The following ABHD12 variants were observed in gnomAD, a reference collection of about 807,000 sequenced individuals.
The protein encoded by ABHD12 is abhydrolase domain containing 12, lysophospholipase.
A neutral mutation model predicts 58.3 loss-of-function variants in ABHD12; 43 were observed. That is an observed-to-expected ratio of 0.74 (90% CI 0.58 to 0.95). ABHD12 has a LOEUF of 0.95. ABHD12 is among the 40% of genes least tolerant of loss of function. The pLI is 0.00. For synonymous variants in ABHD12, 219 were observed against 211.2 expected, an observed-to-expected ratio of 1.04 and a Z score of -0.32; for missense variants, 539 against 537.2, an observed-to-expected ratio of 1.00 and a Z score of -0.03.
Position 25,378,237 on chromosome 20 carries a change from G to T in ABHD12, c.191+12276C>A, listed in dbSNP as rs530805704. ...TCCCTGTATTTTCTCTTTGCCAAAG[G>T]CATCATCAAAGCCTGAGTATGCAAG... On this transcript the variant is annotated intron_variant, in intron 1 of 12. Coordinates refer to ENST00000339157, the MANE Select transcript of ABHD12 (RefSeq NM_001042472.3). 2.6e-5 allele frequency among the ~76,000 whole-genome samples: 4 copies of T among 152,302 alleles called. No individual in the cohort carries two copies. In the South Asian group the frequency reaches 8.3e-4, roughly 32 times the overall value.
At chr20:25,326,214 A>C (rs951279694) in intron 2 of ABHD12, among the ~76,000 whole-genome samples, 1 of 152,052 alleles carries the variant, frequency 6.6e-6, no homozygotes, top group Non-Finnish European at 1.5e-5. Context: ...GAAAGGAAAG[A>C]AAGGAAAGCA....
chr20:25,323,100 T>C (rs1463902698), intron 3 of ABHD12, among the ~76,000 whole-genome samples: 1 of 152,250 alleles, frequency 6.6e-6, no homozygotes, highest in Non-Finnish European at 1.5e-5. Flanking sequence ...AATAATCTGT[T>C]CACAAAGCCT....
intron 1 of ABHD12, among the ~76,000 whole-genome samples, chr20:25,384,389 A>G (rs1264549999): frequency 6.6e-6 from 1 of 151,296 alleles, no homozygotes; most frequent in Non-Finnish European, 1.5e-5. Context: ...AATGTTAAAA[A>G]AGTTGGCAAT....
intron 1 of ABHD12, among the ~76,000 whole-genome samples, chr20:25,373,704 T>C (rs2089926760): frequency 6.6e-6 from 1 of 152,096 alleles, no homozygotes; most frequent in Admixed American, 6.6e-5. Flanking sequence ...TATCACTGAT[T>C]TTGAGCAATT....
Position 25,303,611 on chromosome 20 carries a change from C to CA in ABHD12, c.967dup (p.Cys323LeufsTer9), listed in dbSNP as rs1317231656. On this transcript the variant is annotated frameshift_variant, in exon 11 of 13. Transcript: ENST00000339157. LOFTEE classifies it high-confidence loss of function. ...CTCAGCGTGCAGGATGAGCAGGGGA[C>CA]AGGAGATGTGCTTCACGCTGTAGGA... The CA allele has an allele frequency of 6.2e-7, 1 of 1,613,688 alleles. No homozygotes were observed. Among genetic ancestry groups the CA allele is most frequent in the African/African-American group, 1.3e-5 (1 of 74,928 alleles).
chr20:25,376,367 A>G (rs772590234), intron 1 of ABHD12, among the ~76,000 whole-genome samples: 6 of 152,192 alleles, frequency 3.9e-5, no homozygotes, highest in Non-Finnish European at 8.8e-5. Flanking sequence ...CAGTGTTGAG[A>G]GCAATTTCAC....
At chr20:25,307,911 T>C in intron 9 of ABHD12, 55 bp downstream of exon 9, 1 of 889,806 alleles carries the variant, frequency 1.1e-6, no homozygotes, top group Non-Finnish European at 1.8e-6. Flanking sequence ...AATTAGTTAT[T>C]TCTATAATTT....
chr20:25,383,223 TA>T lies in ABHD12; in HGVS notation c.191+7289del, dbSNP rs567826095. Among the ~76,000 whole-genome samples the T allele has an allele frequency of 1.3e-3, 195 of 152,286 alleles. 1 individual carries two copies. The highest frequency in any genetic ancestry group is 4.5e-3 in the African/African-American group (188 of 41,570). ...ACCTCAGCCACCCACTCTTCTGGGT[TA>T]GGGGGAAGCCATTAGCAACCTTGGA... On this transcript the variant is annotated intron_variant, in intron 1 of 12. Coordinates refer to ENST00000339157, the MANE Select transcript of ABHD12 (RefSeq NM_001042472.3).
At chr20:25,325,080 C>T (rs1199826722) in intron 2 of ABHD12, among the ~76,000 whole-genome samples, 1 of 151,980 alleles carries the variant, frequency 6.6e-6, no homozygotes, top group Non-Finnish European at 1.5e-5. Flanking sequence ...GTGACATGCA[C>T]CTGTGATCCC....
At chr20:25,338,920 A>G in intron 2 of ABHD12, 2 of 1,193,010 alleles carry the variant, frequency 1.7e-6, no homozygotes, top group South Asian at 3.5e-5. Flanking sequence ...CCCCCAGGGC[A>G]GTGTAGTCTT....
chr20:25,297,444 G>GT (rs2088565960), downstream of ABHD12: 1 of 152,486 alleles, frequency 6.6e-6, no homozygotes, highest in Non-Finnish European at 1.5e-5. Context: ...TGTGTCCTGA[G>GT]GTGCATTTCC....
At chr20:25,340,638 C>T (rs1323726897) in intron 1 of ABHD12, among the ~76,000 whole-genome samples, 17 of 152,392 alleles carry the variant, frequency 1.1e-4, no homozygotes, top group African/African-American at 4.1e-4. Context: ...CAAGCTATCT[C>T]TGGACAATTT....
chr20:25,300,474 A>G lies in ABHD12; in HGVS notation c.*371T>C. ...CCCACGTTCTCTGTGGGTGGTGCCA[A>G]AAAGCTCAGCATGGTCCCGAGCCCC... is the stretch of plus-strand genomic sequence containing the variant. On this transcript the variant is annotated 3_prime_UTR_variant, in exon 13 of 13. Coordinates refer to ENST00000339157, the MANE Select transcript of ABHD12 (RefSeq NM_001042472.3). The G allele has an allele frequency of 4.0e-6, 5 of 1,235,336 alleles. No homozygotes were observed. Among genetic ancestry groups the G allele is most frequent in the Non-Finnish European group, 5.1e-6 (5 of 975,126 alleles). The allele number at this position is 1,235,336 out of a possible 1,614,324, so 76.5% of individuals were successfully genotyped here. A position where few individuals can be genotyped will look rare whatever the true frequency, so the allele number is the denominator to read the frequency against.
chr20:25,342,785 C>A (rs1288814185), intron 1 of ABHD12, among the ~76,000 whole-genome samples: 8 of 151,936 alleles, frequency 5.3e-5, no homozygotes, highest in Non-Finnish European at 1.2e-4. Context: ...ACGAGGTCTC[C>A]CTATATTGCC....
chr20:25,369,449 A>T (rs1048309555), intron 1 of ABHD12, among the ~76,000 whole-genome samples: 2 of 152,132 alleles, frequency 1.3e-5, no homozygotes, highest in Admixed American at 6.6e-5. Context: ...TACTAAACAC[A>T]TTACTCAGGA....
chr20:25,354,492 C>T (rs1442807152), intron 1 of ABHD12, among the ~76,000 whole-genome samples: 2 of 152,220 alleles, frequency 1.3e-5, no homozygotes, highest in East Asian at 3.8e-4. Flanking sequence ...GTTTGCTATT[C>T]ATGCCTCATA....
intron 10 of ABHD12, 29 bp downstream of exon 10, chr20:25,306,804 A>G (rs1178212716): frequency 2.0e-6 from 3 of 1,521,084 alleles, no homozygotes; most frequent in East Asian, 4.6e-5. Flanking sequence ...TCTAAATAGG[A>G]AAATTAGTTC....
At chr20:25,365,428 A>G (rs1443614112) in intron 1 of ABHD12, among the ~76,000 whole-genome samples, 2 of 152,144 alleles carry the variant, frequency 1.3e-5, no homozygotes, top group Non-Finnish European at 2.9e-5. Context: ...CTCCACATCA[A>G]TGCTTACCTA....
In ABHD12 at chr20:25,314,989, A is replaced by T; in HGVS notation, c.574-19T>A. The T allele has an allele frequency of 1.9e-6, 3 of 1,614,100 alleles. No individual in the cohort carries two copies. The highest frequency in any genetic ancestry group is 2.5e-6 in the Non-Finnish European group (3 of 1,179,986). On this transcript the variant is annotated intron_variant, in intron 5 of 12. Coordinates refer to ENST00000339157, the MANE Select transcript of ABHD12 (RefSeq NM_001042472.3). ...TCAGCACCTGTAAAGTGAAAAATAAACATCTTTGGCAACAAATCCAAGCAT... is the reference window on the plus strand; with the variant it reads ...TCAGCACCTGTAAAGTGAAAAATAATCATCTTTGGCAACAAATCCAAGCAT...
Sources: gnomAD v4.1 joint callset for allele counts (sites outside exome capture counted in the v4.1 genomes callset) on GRCh38, gnomAD v4.1.1 for gene constraint, MANE v1.5 for transcripts, NCBI Gene and HGNC (gene_info 2026-07-23, HGNC 2026-07-21) for gene names.